PAH: variants seen among roughly 807,000 people sequenced by gnomAD.
PAH encodes the protein phenylalanine-4-hydroxylase.
PAH carries 64 observed loss-of-function variants against 62.0 expected under a neutral mutation model. That is an observed-to-expected ratio of 1.03 (90% CI 0.84 to 1.27). The LOEUF (loss-of-function observed/expected upper bound fraction) is 1.27. Ranked by LOEUF, PAH falls within the 50% of genes most tolerant of loss-of-function variation. The pLI is 0.00. For missense variants in PAH, 579 were observed against 542.8 expected (o/e 1.07, Z -0.66); for synonymous variants, 195 against 196.2 (o/e 0.99, Z 0.05).
intron 2 of PAH, among the ~76,000 whole-genome samples, chr12:102,895,833 C>T (rs2133297): frequency 0.18 from 24,208 of 136,558 alleles, 2,369 homozygotes; most frequent in Admixed American, 0.35. Flanking sequence ...CCAGCCTGGG[C>T]GACAGAGCGA....
intron 4 of PAH, among the ~76,000 whole-genome samples, chr12:102,869,620 G>C (rs1328193128): frequency 6.6e-6 from 1 of 152,202 alleles, no homozygotes; most frequent in African/African-American, 2.4e-5. Flanking sequence ...CTTCCATGTG[G>C]GAAGGTTTCT....
intron 2 of PAH, among the ~76,000 whole-genome samples, chr12:102,895,256 C>A (rs1046066629): frequency 1.3e-5 from 2 of 151,958 alleles, no homozygotes; most frequent in Non-Finnish European, 1.5e-5. Flanking sequence ...ATAGGAAACA[C>A]CCCCACTTTC....
intron 3 of PAH, among the ~76,000 whole-genome samples, chr12:102,882,705 A>T (rs1001330996): frequency 6.8e-6 from 1 of 146,098 alleles, no homozygotes; most frequent in Non-Finnish European, 1.5e-5. Context: ...TCCTTAGCTT[A>T]TCATAGCAGA....
At chr12:102,886,560 A>G (rs1877052003) in intron 3 of PAH, among the ~76,000 whole-genome samples, 1 of 152,086 alleles carries the variant, frequency 6.6e-6, no homozygotes, top group African/African-American at 2.4e-5. Flanking sequence ...GTTACCTGTC[A>G]CTGACAACCC....
chr12:102,913,560 T>C (rs144893517), intron 1 of PAH, among the ~76,000 whole-genome samples: 19 of 152,240 alleles, frequency 1.2e-4, no homozygotes, highest in African/African-American at 4.3e-4. Flanking sequence ...AGGAAAAGAA[T>C]AGTTTAAAAA....
chr12:102,852,701 TCTAGACA>T, intron 7 of PAH, 107 bp downstream of exon 7: 1 of 1,304,094 alleles, frequency 7.7e-7, no homozygotes, highest in Non-Finnish European at 1.1e-6. Context: ...CAGCAAACAG[TCTAGACA>T]ACTAGTCCTG....
chr12:102,933,359 TG>T (rs1188134711), intron 1 of PAH, among the ~76,000 whole-genome samples: 1 of 152,216 alleles, frequency 6.6e-6, no homozygotes, highest in Non-Finnish European at 1.5e-5. Context: ...TACCACATTT[TG>T]CATATCTATT....
At chr12:102,858,862 G>C (rs983336402) in intron 5 of PAH, among the ~76,000 whole-genome samples, 17 of 152,146 alleles carry the variant, frequency 1.1e-4, no homozygotes, top group Non-Finnish European at 1.9e-4. Flanking sequence ...ATGCCCACAA[G>C]AGAAAGCAGG....
Position 102,912,740 on chromosome 12 carries a change from A to G in PAH, c.168+51T>C, listed in dbSNP as rs372892959. 1.9e-5 allele frequency: 24 copies of G among 1,260,708 alleles called. No homozygotes were observed. The African/African-American group carries it at 2.5e-4, about 13-fold the overall frequency. The allele number at this position is 1,260,708 out of a possible 1,614,324, so 78.1% of individuals were successfully genotyped here. A position where few individuals can be genotyped will look rare whatever the true frequency, so the allele number is the denominator to read the frequency against. On this transcript the variant is annotated intron_variant, in intron 2 of 12. Transcript: ENST00000553106. Reference sequence around the variant, plus strand: ...TCATTGCATCTAACTAGAAAAGAACATGGAAGTTTGCTACGACATTATCCA... The same window carrying G: ...TCATTGCATCTAACTAGAAAAGAACGTGGAAGTTTGCTACGACATTATCCA...
chr12:102,954,674 G>A (rs1318270660), upstream of PAH, among the ~76,000 whole-genome samples: 3 of 152,236 alleles, frequency 2.0e-5, no homozygotes, highest in Non-Finnish European at 2.9e-5. Flanking sequence ...CTCTCAGGTC[G>A]GGAGGAGGGA....
chr12:102,940,342 A>T (rs1316934947), intron 1 of PAH, among the ~76,000 whole-genome samples: 1 of 152,250 alleles, frequency 6.6e-6, no homozygotes, highest in Non-Finnish European at 1.5e-5. Flanking sequence ...GACTGAAATG[A>T]CAGACATAAA....
chr12:102,844,797 AG>A (rs1874763945), intron 9 of PAH, among the ~76,000 whole-genome samples: 2 of 152,170 alleles, frequency 1.3e-5, no homozygotes, highest in African/African-American at 4.8e-5. Flanking sequence ...ACCACCACCC[AG>A]GGGTTCTCAG....
chr12:102,894,533 C>T lies in PAH; in HGVS notation c.352+202G>A, dbSNP rs192990124. Among the ~76,000 whole-genome samples the T allele has an allele frequency of 7.9e-5, 12 of 152,014 alleles. No individual in the cohort carries two copies. In the East Asian group the frequency reaches 2.1e-3, roughly 27 times the overall value. On this transcript the variant is annotated intron_variant, in intron 3 of 12. Transcript: ENST00000553106. ...ACCAGGCACTTGCCTAGGTCCCCAA[C>T]CTATGTCCACTCATTTAATCCCCCA...
chr12:102,855,979 T>C (rs1363660160), intron 5 of PAH, among the ~76,000 whole-genome samples: 1 of 151,194 alleles, frequency 6.6e-6, no homozygotes, highest in Non-Finnish European at 1.5e-5. Flanking sequence ...AAACATCATG[T>C]TGTACACCAT....
intron 6 of PAH, chr12:102,853,330 A>G (rs553102096): frequency 3.0e-6 from 1 of 329,214 alleles, no homozygotes; most frequent in South Asian, 2.6e-5. Context: ...CTGCTTCTAG[A>G]GTGAAGAGGG....
intron 2 of PAH, among the ~76,000 whole-genome samples, chr12:102,903,609 A>G (rs1187452350): frequency 6.6e-6 from 1 of 152,188 alleles, no homozygotes; most frequent in Non-Finnish European, 1.5e-5. Context: ...AAAAGTGGGT[A>G]TGACTAATAG....
At chr12:102,919,852 G>A (rs1027497786), upstream of PAH, among the ~76,000 whole-genome samples, 1 of 152,084 alleles carries the variant, frequency 6.6e-6, no homozygotes, top group Non-Finnish European at 1.5e-5. Context: ...CCATGTTGAT[G>A]GAGACTTGGG....
At chr12:102,948,136 G>C (rs537472213) in intron 1 of PAH, among the ~76,000 whole-genome samples, 1 of 152,344 alleles carries the variant, frequency 6.6e-6, no homozygotes, top group African/African-American at 2.4e-5. Flanking sequence ...GGCTGAAGGT[G>C]GTCACAAGGT....
intron 1 of PAH, among the ~76,000 whole-genome samples, chr12:102,944,030 A>G (rs1190034842): frequency 6.6e-6 from 1 of 152,198 alleles, no homozygotes; most frequent in African/African-American, 2.4e-5. Context: ...CTGAACCTAA[A>G]ATAAAAGTTG....
Sources: allele counts gnomAD v4.1 joint callset (sites outside exome capture counted in the v4.1 genomes callset), GRCh38; gene constraint gnomAD v4.1.1; transcripts MANE v1.5; gene names NCBI Gene and HGNC (gene_info 2026-07-23, HGNC 2026-07-21).